Variants in TMEM131 observed in about 807,000 individuals in gnomAD.
The protein encoded by TMEM131 is 2610524E03Rik.
In TMEM131, 66 loss-of-function variants were observed where a neutral mutation model predicts 211.6. That is an observed-to-expected ratio of 0.31 (90% CI 0.26 to 0.38). The LOEUF (loss-of-function observed/expected upper bound fraction) is 0.38, where lower values mean the gene tolerates loss of function less well. TMEM131 is among the 10% of genes least tolerant of loss of function. The pLI, the probability that TMEM131 is intolerant of heterozygous loss-of-function variation, is 1.00. For synonymous variants in TMEM131, 844 were observed against 841.3 expected (o/e 1.00, Z -0.06); for missense variants, 2,036 against 2,299.3 (o/e 0.89, Z 2.34).
At chr2:97,820,839 G>C (rs984085612) in intron 11 of TMEM131, among the ~76,000 whole-genome samples, 5 of 151,168 alleles carry the variant, frequency 3.3e-5, no homozygotes, top group Admixed American at 6.6e-5. Context: ...CTGGGCAACA[G>C]AGTGAGACTC....
chr2:97,777,404 TATGGCCC>T (rs1279316408), intron 31 of TMEM131, among the ~76,000 whole-genome samples: 1 of 152,268 alleles, frequency 6.6e-6, no homozygotes, highest in East Asian at 1.9e-4. Context: ...GTTGGCAAAC[TATGGCCC>T]ATGGGCCAAA....
intron 7 of TMEM131, among the ~76,000 whole-genome samples, chr2:97,838,426 C>CTTTTTTTTTTTTTTTTTTT (rs753635047): frequency 4.5e-5 from 4 of 89,092 alleles, no homozygotes; most frequent in Admixed American, 1.4e-4. Flanking sequence ...TAAGCTTAAA[C>CTTTTTTTTTTTTTTTTTTT]TTTTTTTTTT....
At chr2:97,810,028 G>A (rs11895466) in intron 18 of TMEM131, among the ~76,000 whole-genome samples, 3,869 of 151,930 alleles carry the variant, frequency 0.025, 168 homozygotes, top group African/African-American at 0.089. Flanking sequence ...ACTAAACAAC[G>A]GGGAAGCAAT....
intron 5 of TMEM131, among the ~76,000 whole-genome samples, chr2:97,852,735 C>A (rs1457695647): frequency 1.3e-5 from 2 of 152,212 alleles, no homozygotes; most frequent in Non-Finnish European, 2.9e-5. Flanking sequence ...CCATGTAGAT[C>A]AAGCAGCCTT....
At chr2:97,956,961 G>A (rs1678594615) in intron 1 of TMEM131, among the ~76,000 whole-genome samples, 1 of 152,080 alleles carries the variant, frequency 6.6e-6, no homozygotes, top group African/African-American at 2.4e-5. Flanking sequence ...AGCCGGTGTG[G>A]TGGCATGTGC....
intron 1 of TMEM131, among the ~76,000 whole-genome samples, chr2:97,993,105 T>A (rs767769445): frequency 2.6e-5 from 4 of 152,206 alleles, no homozygotes; most frequent in Non-Finnish European, 4.4e-5. Context: ...CAGGAGACAA[T>A]GAGTTTTATT....
chr2:97,922,458 A>C (rs1345852056), intron 2 of TMEM131, among the ~76,000 whole-genome samples: 1 of 152,206 alleles, frequency 6.6e-6, no homozygotes, highest in Admixed American at 6.5e-5. Flanking sequence ...AAAAAACAAG[A>C]AGCAACCAAA....
Position 97,785,083 on chromosome 2 carries a change from T to G in TMEM131, c.4144+7303A>C, listed in dbSNP as rs374060076. Among the ~76,000 whole-genome samples the G allele has an allele frequency of 3.3e-4, 51 of 152,242 alleles. 1 individual carries two copies. The East Asian group carries it at 6.8e-3, about 20-fold the overall frequency. ...CTCACTGAATATGAAACAGATGATGTGAACAGCCCTGTAACTATTAGGAAA... is the reference window on the plus strand; with the variant it reads ...CTCACTGAATATGAAACAGATGATGGGAACAGCCCTGTAACTATTAGGAAA... On this transcript the variant is annotated intron_variant, in intron 31 of 40. Transcript: ENST00000186436.
intron 1 of TMEM131, among the ~76,000 whole-genome samples, chr2:97,961,790 T>C (rs1245079128): frequency 1.3e-5 from 2 of 152,210 alleles, no homozygotes; most frequent in Non-Finnish European, 2.9e-5. Flanking sequence ...AAAATGAAAG[T>C]CTTTTCATAA....
intron 11 of TMEM131, among the ~76,000 whole-genome samples, chr2:97,827,934 T>C (rs1234983829): frequency 1.3e-5 from 2 of 152,174 alleles, no homozygotes; most frequent in South Asian, 2.1e-4. Flanking sequence ...AAATTACTTC[T>C]ATTACCATGT....
chr2:97,772,194 T>G, intron 33 of TMEM131, 103 bp downstream of exon 33: 1 of 1,470,682 alleles, frequency 6.8e-7, no homozygotes, highest in South Asian at 1.3e-5. Flanking sequence ...TCAACTCCCC[T>G]AAAAGCCAAC....
intron 5 of TMEM131, among the ~76,000 whole-genome samples, chr2:97,855,151 T>G (rs538113729): frequency 1.9e-4 from 29 of 152,350 alleles, no homozygotes; most frequent in African/African-American, 7.0e-4. Flanking sequence ...ATTAATTCCT[T>G]CTTTCCACAT....
At chr2:97,821,864 T>G (rs1370974702) in intron 11 of TMEM131, among the ~76,000 whole-genome samples, 2 of 152,144 alleles carry the variant, frequency 1.3e-5, no homozygotes, top group Non-Finnish European at 1.5e-5. Context: ...TTGGGAGCAT[T>G]GGTTTGCCTG....
intron 3 of TMEM131, among the ~76,000 whole-genome samples, chr2:97,889,500 T>C (rs1266144064): frequency 6.6e-6 from 1 of 151,278 alleles, no homozygotes; most frequent in African/African-American, 2.4e-5. Context: ...CTTAATCAAA[T>C]CAAGGAAAAA....
At chr2:97,916,750 A>C (rs866802766) in intron 2 of TMEM131, among the ~76,000 whole-genome samples, 3 of 152,166 alleles carry the variant, frequency 2.0e-5, no homozygotes, top group South Asian at 2.1e-4. Flanking sequence ...TCAGAGTCAA[A>C]TGCTTGGTTT....
chr2:97,796,087 C>T, intron 28 of TMEM131, 131 bp downstream of exon 28: 5 of 550,822 alleles, frequency 9.1e-6, no homozygotes, highest in Non-Finnish European at 1.5e-5. Flanking sequence ...ATACCTTAGC[C>T]AAAGATTAAG....
intron 7 of TMEM131, 115 bp downstream of exon 7, chr2:97,841,700 C>A: frequency 2.4e-6 from 3 of 1,246,050 alleles, no homozygotes; most frequent in Non-Finnish European, 3.1e-6. Flanking sequence ...TCTCAATACA[C>A]TATAAAACCC....
rs559872934 is a variant in TMEM131, at chr2:97,915,486, A to G, written c.250-6788T>C. Among the ~76,000 whole-genome samples the G allele has an allele frequency of 7.2e-5, 11 of 152,142 alleles. No homozygotes were observed. The East Asian group carries it at 2.1e-3, about 29-fold the overall frequency. On this transcript the variant is annotated intron_variant, in intron 2 of 40. Coordinates refer to ENST00000186436, the MANE Select transcript of TMEM131 (RefSeq NM_015348.2). ...AGGTGCACACCACCACACCTGGACAATTTTTTATTTATTTTATTTACTTAC... is the reference window on the plus strand; with the variant it reads ...AGGTGCACACCACCACACCTGGACAGTTTTTTATTTATTTTATTTACTTAC...
intron 3 of TMEM131, among the ~76,000 whole-genome samples, chr2:97,903,764 A>T (rs1029071740): frequency 1.3e-5 from 2 of 152,066 alleles, no homozygotes; most frequent in Non-Finnish European, 2.9e-5. Flanking sequence ...GCTCAATGCA[A>T]CTTCCGCCTC....
Sources: allele counts gnomAD v4.1 joint callset (sites outside exome capture counted in the v4.1 genomes callset), GRCh38; gene constraint gnomAD v4.1.1; transcripts MANE v1.5; gene names NCBI Gene and HGNC (gene_info 2026-07-23, HGNC 2026-07-21).